Variants in ECPAS observed in about 807,000 individuals in gnomAD.
ECPAS encodes Ecm29 proteasome adaptor and scaffold, also known as proteasome adapter and scaffold protein ECM29.
ECPAS carries 70 observed loss-of-function variants against 255.1 expected under a neutral mutation model. That is an observed-to-expected ratio of 0.27 (90% CI 0.23 to 0.33). ECPAS has a LOEUF of 0.33. ECPAS is among the 10% of genes least tolerant of loss of function. ECPAS has a pLI of 1.00. For missense variants in ECPAS, 1,817 were observed against 2,206.4 expected, an observed-to-expected ratio of 0.82 and a Z score of 3.54; for synonymous variants, 784 against 775.0, an observed-to-expected ratio of 1.01 and a Z score of -0.19.
intron 3 of ECPAS, among the ~76,000 whole-genome samples, chr9:111,449,493 T>C (rs188482156): frequency 1.4e-3 from 211 of 152,162 alleles, no homozygotes; most frequent in Non-Finnish European, 2.1e-3. Context: ...ATATACATAA[T>C]AAAATTTATT....
At position 111,432,231 on chromosome 9, in the gene ECPAS, G is replaced by A. The variant is rs557788937; in HGVS notation, c.848+1002C>T. 2.6e-5 allele frequency among the ~76,000 whole-genome samples: 4 copies of A among 152,218 alleles called. No individual in the cohort carries two copies. The South Asian group carries it at 8.3e-4, about 32-fold the overall frequency. ...AATTCCCAGAATATTGAGATAAAAG[G>A]ATAGAAATATCTTTATGATTCATTA... On this transcript the variant is annotated intron_variant, in intron 8 of 49. Transcript: ENST00000684092.
At chr9:111,480,659 T>C (rs1288515378) in intron 1 of ECPAS, among the ~76,000 whole-genome samples, 1 of 152,214 alleles carries the variant, frequency 6.6e-6, no homozygotes, top group Non-Finnish European at 1.5e-5. Flanking sequence ...AAAAGTGGTT[T>C]ATATGAAACT....
intron 31 of ECPAS, among the ~76,000 whole-genome samples, chr9:111,387,673 C>G (rs2098151898): frequency 6.6e-6 from 1 of 151,584 alleles, no homozygotes; most frequent in South Asian, 2.1e-4. Flanking sequence ...TACTGAGGGA[C>G]AGAGTCTCAC....
rs1355118273 is a variant in ECPAS, at chr9:111,366,300, G to A, written c.5247C>T (p.Ala1749=). 18 of 1,577,434 alleles carry A rather than the reference G, an allele frequency of 1.1e-5. No homozygotes were observed. The highest frequency in any genetic ancestry group is 4.6e-5 in the East Asian group (2 of 43,610). The change falls in exon 48 of 50, where the codon GCC becomes GCT. Residue 1749 remains alanine (A), a synonymous_variant. Coordinates refer to ENST00000684092, the MANE Select transcript of ECPAS (RefSeq NM_001364929.1). ...GAATTTCAGCCAAAGCCTCAGGATC[G>A]GCATGTTCTTCTTCCAAAAGCATTA... ...QGLMLLEEEH[A]DPEALAEILL...
chr9:111,435,080 A>T (rs2098236009), intron 7 of ECPAS, among the ~76,000 whole-genome samples: 1 of 148,188 alleles, frequency 6.7e-6, no homozygotes, highest in African/African-American at 2.5e-5. Context: ...TCTATTTTTA[A>T]TAGAGACGGG....
At chr9:111,416,403 C>T in intron 17 of ECPAS, 51 bp from the exon 18 acceptor site, 3 of 1,321,396 alleles carry the variant, frequency 2.3e-6, no homozygotes, top group Non-Finnish European at 2.2e-6. Flanking sequence ...ATGAAGCATA[C>T]CTGCCCTTCC....
intron 27 of ECPAS, 117 bp downstream of exon 27, chr9:111,393,563 A>G (rs1490419263): frequency 1.4e-6 from 1 of 709,940 alleles, no homozygotes; most frequent in African/African-American, 1.8e-5. Flanking sequence ...ATAAGGTTTA[A>G]TAATTGTTTT....
intron 2 of ECPAS, among the ~76,000 whole-genome samples, chr9:111,455,769 G>A (rs1018140137): frequency 5.9e-5 from 9 of 152,306 alleles, no homozygotes; most frequent in African/African-American, 2.2e-4. Context: ...CATTTCAGAG[G>A]TGCTGTCACA....
chr9:111,386,163 C>T (rs2098148141), intron 32 of ECPAS, among the ~76,000 whole-genome samples: 2 of 152,206 alleles, frequency 1.3e-5, no homozygotes, highest in African/African-American at 4.8e-5. Flanking sequence ...GGGGTTTCAC[C>T]ATGTTGCCCA....
chr9:111,390,908 C>A (rs1378030079), intron 29 of ECPAS, among the ~76,000 whole-genome samples: 1 of 152,228 alleles, frequency 6.6e-6, no homozygotes, highest in Non-Finnish European at 1.5e-5. Context: ...CCTAGCTATG[C>A]TTCCAGGTGT....
At chr9:111,421,831 C>A in intron 15 of ECPAS, 90 bp downstream of exon 15, 1 of 1,443,202 alleles carries the variant, frequency 6.9e-7, no homozygotes. Context: ...GCAAATACTC[C>A]TCTTATCAAA....
At chr9:111,471,107 T>C (rs1304561339) in intron 2 of ECPAS, among the ~76,000 whole-genome samples, 1 of 152,214 alleles carries the variant, frequency 6.6e-6, no homozygotes, top group East Asian at 1.9e-4. Context: ...ACAATGCTCA[T>C]ATGGGTGTGT....
Position 111,407,403 on chromosome 9 carries a change from G to GAAAAAAA in ECPAS, c.2652+1161_2652+1167dup, listed in dbSNP as rs1161790026. ...GGAGACAGAGCAAAACTCCATCTCA[G>GAAAAAAA]AAAAAAAAAAAAAAAAAAAAAAAAA... is the stretch of plus-strand genomic sequence containing the variant. On this transcript the variant is annotated intron_variant, in intron 24 of 49. Transcript: ENST00000684092. Among the ~76,000 whole-genome samples the GAAAAAAA allele has an allele frequency of 1.2e-3, 15 of 12,072 alleles. 2 individuals are homozygous for GAAAAAAA. Among genetic ancestry groups the GAAAAAAA allele is most frequent in the Non-Finnish European group, 1.8e-3 (11 of 6,132 alleles). 7.9% of individuals were successfully genotyped at this position (12,072 alleles called of 152,430 possible).
At chr9:111,400,388 T>C (rs985204154) in intron 24 of ECPAS, among the ~76,000 whole-genome samples, 2 of 152,178 alleles carry the variant, frequency 1.3e-5, no homozygotes, top group East Asian at 1.9e-4. Context: ...TCGAGGACAT[T>C]TGAGAAAACA....
In ECPAS at chr9:111,361,738, T is replaced by TA. The variant is rs2098113521; in HGVS notation, c.*291_*292insT. On this transcript the variant is annotated 3_prime_UTR_variant, in exon 50 of 50. Coordinates refer to ENST00000684092, the MANE Select transcript of ECPAS (RefSeq NM_001364929.1). ...CTTGCTCTGCAACTCTGTCTATTAA[T>TA]TCCTTTAATAACAGCTTGAACTCTT... 4.6e-6 allele frequency: 1 copy of TA among 217,266 alleles called. No homozygotes were observed. Among genetic ancestry groups the TA allele is most frequent in the Admixed American group, 5.7e-5 (1 of 17,480 alleles). The allele number at this position is 217,266 out of a possible 1,614,324, so 13.5% of individuals were successfully genotyped here. A position where few individuals can be genotyped will look rare whatever the true frequency, so the allele number is the denominator to read the frequency against.
chr9:111,463,858 T>C (rs2098276077), intron 2 of ECPAS, among the ~76,000 whole-genome samples: 1 of 152,162 alleles, frequency 6.6e-6, no homozygotes, highest in South Asian at 2.1e-4. Flanking sequence ...ATACAATCTC[T>C]GAAGAGCAAT....
At chr9:111,395,440 C>A (rs1362327587) in intron 25 of ECPAS, among the ~76,000 whole-genome samples, 1 of 152,144 alleles carries the variant, frequency 6.6e-6, no homozygotes, top group Non-Finnish European at 1.5e-5. Flanking sequence ...TCAAAATTCA[C>A]GTCAGAGATT....
intron 11 of ECPAS, 89 bp downstream of exon 11, chr9:111,425,654 C>A: frequency 1.0e-6 from 1 of 986,686 alleles, no homozygotes; most frequent in Non-Finnish European, 1.5e-6. Flanking sequence ...TGTTTTCTTT[C>A]TAGGTAAGAT....
intron 1 of ECPAS, among the ~76,000 whole-genome samples, chr9:111,476,030 C>T (rs927858070): frequency 4.6e-5 from 7 of 152,182 alleles, no homozygotes; most frequent in Non-Finnish European, 7.4e-5. Flanking sequence ...GGATTCCCAG[C>T]ACTAGCAGAG....
Sources: gnomAD v4.1 joint callset for allele counts (sites outside exome capture counted in the v4.1 genomes callset) on GRCh38, gnomAD v4.1.1 for gene constraint, MANE v1.5 for transcripts, NCBI Gene and HGNC (gene_info 2026-07-23, HGNC 2026-07-21) for gene names.